The following SLC44A1 variants were observed in gnomAD, a reference collection of about 807,000 sequenced individuals.
The protein encoded by SLC44A1 is choline transporter-like protein 1.
Under a neutral mutation model 79.3 loss-of-function variants are expected in SLC44A1, and 26 were observed. The observed-to-expected ratio is 0.33, with a 90% CI of 0.24 to 0.46. SLC44A1 has a LOEUF of 0.46. Among genes scored for constraint, SLC44A1 ranks in the 20% least tolerant of loss-of-function variants. The pLI is 1.00. For synonymous variants in SLC44A1, 263 were observed against 286.2 expected (o/e 0.92, Z 0.82); for missense variants, 688 against 798.1 (o/e 0.86, Z 1.66).
chr9:105,269,005 G>T (rs1225060436), intron 1 of SLC44A1, among the ~76,000 whole-genome samples: 1 of 152,174 alleles, frequency 6.6e-6, no homozygotes, highest in Non-Finnish European at 1.5e-5. Context: ...AAAAACATAA[G>T]TATGAAGTTG....
chr9:105,374,748 A>AT lies in SLC44A1; in HGVS notation c.1632+19dup, dbSNP rs781757520. ...ATTCCTTGGCAAGGTAAAACCAAGT[A>AT]TTTTTTCTGCAACATACAGTAAAAT... On this transcript the variant is annotated intron_variant, in intron 13 of 15. Coordinates refer to ENST00000374720, the MANE Select transcript of SLC44A1 (RefSeq NM_080546.5). 2.5e-6 allele frequency: 4 copies of AT among 1,593,494 alleles called. No individual in the cohort carries two copies. Among genetic ancestry groups the AT allele is most frequent in the African/African-American group, 1.3e-5 (1 of 74,388 alleles).
chr9:105,364,478 T>C (rs747384007), intron 9 of SLC44A1, 77 bp from the exon 10 acceptor site: 8 of 1,289,014 alleles, frequency 6.2e-6, no homozygotes, highest in Non-Finnish European at 7.6e-6. Context: ...TAGGGACCTA[T>C]TGCCTTCTAC....
intron 15 of SLC44A1, among the ~76,000 whole-genome samples, chr9:105,425,349 A>G (rs1829307029): frequency 6.6e-6 from 1 of 152,242 alleles, no homozygotes; most frequent in Non-Finnish European, 1.5e-5. Flanking sequence ...AGGAAAAAAT[A>G]CCTGAGCATA....
At chr9:105,287,067 G>T (rs1443840335) in intron 1 of SLC44A1, among the ~76,000 whole-genome samples, 1 of 152,214 alleles carries the variant, frequency 6.6e-6, no homozygotes. Flanking sequence ...TGAAAGTAAA[G>T]TAGCTGAATC....
chr9:105,300,181 C>T (rs1170019641), intron 2 of SLC44A1, among the ~76,000 whole-genome samples: 1 of 152,164 alleles, frequency 6.6e-6, no homozygotes, highest in African/African-American at 2.4e-5. Context: ...TATCCCAAGG[C>T]CACACTGCTA....
At chr9:105,329,989 G>A (rs576719834) in intron 3 of SLC44A1, among the ~76,000 whole-genome samples, 3 of 152,188 alleles carry the variant, frequency 2.0e-5, no homozygotes, top group Non-Finnish European at 2.9e-5. Context: ...ATATATTTTT[G>A]TGTGTTCTTC....
At chr9:105,279,124 G>A (rs111401396) in intron 1 of SLC44A1, among the ~76,000 whole-genome samples, 8 of 151,222 alleles carry the variant, frequency 5.3e-5, no homozygotes, top group South Asian at 2.1e-4. Context: ...GGTATTCCCC[G>A]GGAGGCGGAG....
chr9:105,367,721 A>C (rs1440187942), intron 12 of SLC44A1, among the ~76,000 whole-genome samples: 1 of 152,074 alleles, frequency 6.6e-6, no homozygotes, highest in African/African-American at 2.4e-5. Context: ...ACTGAACCTT[A>C]ATGATTCTGC....
chr9:105,429,105 C>G (rs751940124), intron 15 of SLC44A1, among the ~76,000 whole-genome samples: 5 of 152,170 alleles, frequency 3.3e-5, no homozygotes, highest in Non-Finnish European at 7.4e-5. Context: ...AAAAATAAAA[C>G]AAAGCTGCAT....
At chr9:105,288,011 TAATTA>T (rs1830515163) in intron 1 of SLC44A1, among the ~76,000 whole-genome samples, 1 of 152,238 alleles carries the variant, frequency 6.6e-6, no homozygotes, top group Non-Finnish European at 1.5e-5. Flanking sequence ...ATTTCTTTCA[TAATTA>T]AATAGCATTA....
chr9:105,339,918 T>C (rs1192397528), intron 4 of SLC44A1, among the ~76,000 whole-genome samples: 2 of 152,184 alleles, frequency 1.3e-5, no homozygotes, highest in Non-Finnish European at 2.9e-5. Context: ...GAATGTCATA[T>C]GCTACAACTT....
At chr9:105,273,675 T>C (rs746222342) in intron 1 of SLC44A1, among the ~76,000 whole-genome samples, 6 of 151,054 alleles carry the variant, frequency 4.0e-5, no homozygotes, top group Non-Finnish European at 8.8e-5. Flanking sequence ...GAGTATATTG[T>C]CTGAGTTTTT....
chr9:105,309,146 G>A (rs975566131), intron 2 of SLC44A1, among the ~76,000 whole-genome samples: 14 of 152,090 alleles, frequency 9.2e-5, no homozygotes, highest in Admixed American at 3.9e-4. Flanking sequence ...CAGAAGTATT[G>A]GGTGCACTGA....
In SLC44A1 at chr9:105,289,342, G is replaced by A. The variant is rs573893535; in HGVS notation, c.37-9878G>A. ...TTTAGGGGAAGCTTCTGTACACATT[G>A]TTTTGCATGGAATAGGTTTTCATTT... On this transcript the variant is annotated intron_variant, in intron 1 of 15. Transcript: ENST00000374720. Among the ~76,000 whole-genome samples, 3 of 152,306 alleles carry A rather than the reference G, an allele frequency of 2.0e-5. No individual in the cohort carries two copies. The East Asian group carries it at 5.8e-4, about 29-fold the overall frequency.
At chr9:105,324,250 A>ATTTTT (rs35532819) in intron 3 of SLC44A1, among the ~76,000 whole-genome samples, 1 of 132,610 alleles carries the variant, frequency 7.5e-6, no homozygotes, top group Non-Finnish European at 1.6e-5. Flanking sequence ...CGTGCCCGGA[A>ATTTTT]TTTTTTTTTT....
chr9:105,381,956 G>A (rs572615430), intron 13 of SLC44A1, among the ~76,000 whole-genome samples: 46 of 152,192 alleles, frequency 3.0e-4, no homozygotes, highest in Non-Finnish European at 5.0e-4. Context: ...TGATTCTAGG[G>A]GTCTCTTTTT....
At chr9:105,325,189 C>T (rs1826534417) in intron 3 of SLC44A1, among the ~76,000 whole-genome samples, 1 of 152,172 alleles carries the variant, frequency 6.6e-6, no homozygotes, top group Admixed American at 6.5e-5. Flanking sequence ...GAATGAAGTG[C>T]TTATATATGC....
chr9:105,414,362 A>T (rs1438390816), intron 15 of SLC44A1, among the ~76,000 whole-genome samples: 1 of 152,046 alleles, frequency 6.6e-6, no homozygotes, highest in Non-Finnish European at 1.5e-5. Context: ...GCCGACAGTT[A>T]GTGTTTTTTA....
chr9:105,296,818 A>G (rs1830734997), intron 1 of SLC44A1, among the ~76,000 whole-genome samples: 3 of 152,354 alleles, frequency 2.0e-5, no homozygotes, highest in African/African-American at 4.8e-5. Context: ...ACAGAGAATT[A>G]TGTCAAATTA....
Sources: allele counts gnomAD v4.1 joint callset (sites outside exome capture counted in the v4.1 genomes callset), GRCh38; gene constraint gnomAD v4.1.1; transcripts MANE v1.5; gene names NCBI Gene and HGNC (gene_info 2026-07-23, HGNC 2026-07-21).